PPIG: variants seen among roughly 807,000 people sequenced by gnomAD.
PPIG encodes peptidylprolyl isomerase G, also known as peptidyl-prolyl cis-trans isomerase G.
In PPIG, 26 loss-of-function variants were observed where a neutral mutation model predicts 87.9. That is an observed-to-expected ratio of 0.30 (90% CI 0.22 to 0.41). PPIG has a LOEUF of 0.41. Among genes scored for constraint, PPIG ranks in the 10% least tolerant of loss-of-function variants. The pLI, the probability that PPIG is intolerant of heterozygous loss-of-function variation, is 1.00. For synonymous variants in PPIG, 308 were observed against 276.5 expected (o/e 1.11, Z -1.13); for missense variants, 722 against 879.4 (o/e 0.82, Z 2.26).
chr2:169,608,960 TG>T, intron 7 of PPIG, among the ~76,000 whole-genome samples: 1 of 151,544 alleles, frequency 6.6e-6, no homozygotes, highest in African/African-American at 2.4e-5. Context: ...GTCGGACGCC[TG>T]TAGTCCCAGC....
intron 1 of PPIG, among the ~76,000 whole-genome samples, chr2:169,594,221 T>G (rs1170045075): frequency 1.3e-5 from 2 of 151,922 alleles, no homozygotes; most frequent in African/African-American, 2.4e-5. Flanking sequence ...ATTCTTAAAT[T>G]TCAAAGGAGT....
intron 1 of PPIG, among the ~76,000 whole-genome samples, chr2:169,594,840 C>T (rs1684977201): frequency 6.6e-6 from 1 of 151,964 alleles, no homozygotes; most frequent in Non-Finnish European, 1.5e-5. Context: ...GTTGGGCTGG[C>T]TAGTCTTGAA....
rs1686291547 is a variant in PPIG at position 169,640,623 on chromosome 2, A to G, written c.*3100A>G. The G allele has an allele frequency of 6.6e-6, 1 of 152,142 alleles. No homozygotes were observed. The highest frequency in any genetic ancestry group is 1.5e-5 in the Non-Finnish European group (1 of 68,028). 9.4% of individuals were successfully genotyped at this position (152,142 alleles called of 1,614,324 possible). On this transcript the variant is annotated 3_prime_UTR_variant, in exon 14 of 14. Coordinates refer to ENST00000260970, the MANE Select transcript of PPIG (RefSeq NM_004792.3). ...ATGGGTGTTCTTCTGTTTCCTTTTG[A>G]TTATGTTTACTGTAATTATTTCATT... is the stretch of plus-strand genomic sequence containing the variant.
At chr2:169,590,141 A>AAG (rs397952872) in intron 1 of PPIG, among the ~76,000 whole-genome samples, 1 of 133,304 alleles carries the variant, frequency 7.5e-6, no homozygotes, top group Admixed American at 8.1e-5. Flanking sequence ...AAAAAAAAAA[A>AAG]GAAAAGAAAA....
intron 9 of PPIG, among the ~76,000 whole-genome samples, chr2:169,620,494 T>G (rs985769716): frequency 1.3e-5 from 2 of 152,074 alleles, no homozygotes; most frequent in African/African-American, 4.8e-5. Flanking sequence ...TGTTGTTGTT[T>G]TTTGTTTGTT....
Position 169,637,082 on chromosome 2 carries a change from G to A in PPIG, c.1824G>A (p.Glu608=), listed in dbSNP as rs1558904305. 6.2e-7 allele frequency: 1 copy of A among 1,613,392 alleles called. No homozygotes were observed. Among genetic ancestry groups the A allele is most frequent in the Non-Finnish European group, 8.5e-7 (1 of 1,179,738 alleles). The part of the protein sequence containing the change: ...YRRRGRSRSR[E]RRTPPGRSRS... ...GAAGAGGACGGTCACGAAGCCGAGAGAGAAGAACACCACCAGGAAGATCAA... is the reference window on the plus strand; with the variant it reads ...GAAGAGGACGGTCACGAAGCCGAGAAAGAAGAACACCACCAGGAAGATCAA... Residue 608 remains glutamate (E), a synonymous_variant, in exon 14 of 14, where the codon GAG becomes GAA. Transcript: ENST00000260970.
chr2:169,636,845 G>A lies in PPIG; in HGVS notation c.1587G>A (p.Glu529=). 1 of 1,613,732 alleles carries A rather than the reference G, an allele frequency of 6.2e-7. No individual in the cohort carries two copies. Among genetic ancestry groups the A allele is most frequent in the South Asian group, 1.1e-5 (1 of 91,060 alleles). Residue 529 remains glutamate, a synonymous_variant, in exon 14 of 14, where the codon GAG becomes GAA. Coordinates refer to ENST00000260970, the MANE Select transcript of PPIG (RefSeq NM_004792.3). ...AACAGTTAGAATCAAAGAGTAATGA[G>A]CATGATCACAGTAAAAGTAAGGAAA... ...KSKQLESKSN[E]HDHSKSKEKD... is the part of the protein sequence containing the mutation.
At chr2:169,602,645 G>A (rs572749615) in intron 1 of PPIG, among the ~76,000 whole-genome samples, 4 of 152,292 alleles carry the variant, frequency 2.6e-5, no homozygotes, top group Admixed American at 2.6e-4. Context: ...TCAAAATGTG[G>A]CTACTGAAAA....
rs1478826906 is a variant in PPIG, at chr2:169,637,769, G to A, written c.*246G>A. The A allele has an allele frequency of 6.1e-6, 2 of 325,462 alleles. No homozygotes were observed. The highest frequency in any genetic ancestry group is 8.8e-4 in the Middle Eastern group (1 of 1,140). 20.2% of individuals were successfully genotyped at this position (325,462 alleles called of 1,614,324 possible). ...ACTTTGGTGTAGTACTGTGTGCTGTGTTTAACTATTTTATGTATGCATTAC... is the reference window on the plus strand; with the variant it reads ...ACTTTGGTGTAGTACTGTGTGCTGTATTTAACTATTTTATGTATGCATTAC... On this transcript the variant is annotated 3_prime_UTR_variant, in exon 14 of 14. Coordinates refer to ENST00000260970, the MANE Select transcript of PPIG (RefSeq NM_004792.3).
At chr2:169,633,362 A>G (rs975273189) in intron 12 of PPIG, 115 bp downstream of exon 12, 2 of 781,984 alleles carry the variant, frequency 2.6e-6, no homozygotes, top group African/African-American at 1.8e-5. Context: ...TTTAGGGGAG[A>G]TGCAGGCATT....
rs891213334 is a variant in PPIG, at chr2:169,641,123, C to A, written c.*3600C>A. ...ATTGGGTATTTGTATGTGGGATGTA[C>A]AAAATTGTGGCCGCTCTCTTTGTGG... is the stretch of plus-strand genomic sequence containing the variant. On this transcript the variant is annotated 3_prime_UTR_variant, in exon 14 of 14. Coordinates refer to ENST00000260970, the MANE Select transcript of PPIG (RefSeq NM_004792.3). The A allele has an allele frequency of 2.8e-5, 4 of 144,900 alleles. No homozygotes were observed. The highest frequency in any genetic ancestry group is 4.6e-5 in the Non-Finnish European group (3 of 64,640). The allele number at this position is 144,900 out of a possible 1,614,324, so 9.0% of individuals were successfully genotyped here.
Position 169,637,613 on chromosome 2 carries a change from A to T in PPIG, c.*90A>T, listed in dbSNP as rs1221335027. ...TCTCCTTTATGTTGTTTTCCTTTTCATTGTTTTTGGATTGTTTTATGTTTG... is the reference window on the plus strand; with the variant it reads ...TCTCCTTTATGTTGTTTTCCTTTTCTTTGTTTTTGGATTGTTTTATGTTTG... On this transcript the variant is annotated 3_prime_UTR_variant, in exon 14 of 14. Coordinates refer to ENST00000260970, the MANE Select transcript of PPIG (RefSeq NM_004792.3). 2.3e-6 allele frequency: 3 copies of T among 1,296,420 alleles called. No homozygotes were observed. Among genetic ancestry groups the T allele is most frequent in the African/African-American group, 3.0e-5 (2 of 66,192 alleles). The allele number at this position is 1,296,420 out of a possible 1,614,324, so 80.3% of individuals were successfully genotyped here. A position where few individuals can be genotyped will look rare whatever the true frequency, so the allele number is the denominator to read the frequency against.
intron 1 of PPIG, among the ~76,000 whole-genome samples, chr2:169,593,946 C>T (rs1043474644): frequency 6.6e-6 from 1 of 151,736 alleles, no homozygotes; most frequent in African/African-American, 2.4e-5. Flanking sequence ...TGAGCCACCA[C>T]GCCCGGCCCA....
intron 9 of PPIG, among the ~76,000 whole-genome samples, chr2:169,623,070 G>A (rs1685799461): frequency 6.6e-6 from 1 of 151,998 alleles, no homozygotes; most frequent in Admixed American, 6.6e-5. Flanking sequence ...TTTGAGATTG[G>A]AGATCCTTCT....
At position 169,631,003 on chromosome 2, in the gene PPIG, T is replaced by G; in HGVS notation, c.761+16T>G. 1 of 1,551,488 alleles carries G rather than the reference T, an allele frequency of 6.4e-7. No individual in the cohort carries two copies. The highest frequency in any genetic ancestry group is 8.7e-7 in the Non-Finnish European group (1 of 1,149,334). ...GCAAGAAGAGGTCTTAATTTTACTT[T>G]TCTAATGCTAGCTTTATATTCTGAT... On this transcript the variant is annotated intron_variant, in intron 10 of 13. Transcript: ENST00000260970.
chr2:169,591,039 C>G (rs1684850149), intron 1 of PPIG, among the ~76,000 whole-genome samples: 1 of 152,102 alleles, frequency 6.6e-6, no homozygotes, highest in African/African-American at 2.4e-5. Context: ...TGTATTTTTT[C>G]TAGATTAGAA....
rs185270445 is a variant in PPIG at position 169,634,290 on chromosome 2, G to T, written c.1017+1043G>T. ...TTGCCCAGACTGGTCTTGAACTCCT[G>T]AGCTCAAGCGATCTGCCTGCCTCAG... On this transcript the variant is annotated intron_variant, in intron 12 of 13. Transcript: ENST00000260970. Among the ~76,000 whole-genome samples, 6 of 151,896 alleles carry T rather than the reference G, an allele frequency of 4.0e-5. No homozygotes were observed. In the South Asian group the frequency reaches 6.2e-4, roughly 16 times the overall value.
chr2:169,609,100 A>G (rs74909722), intron 7 of PPIG, among the ~76,000 whole-genome samples: 13 of 145,568 alleles, frequency 8.9e-5, no homozygotes, highest in Admixed American at 4.2e-4. Flanking sequence ...AAAAAAAAAA[A>G]TCCCGTTTTT....
intron 7 of PPIG, among the ~76,000 whole-genome samples, chr2:169,613,562 C>G (rs1044317120): frequency 6.6e-6 from 1 of 152,052 alleles, no homozygotes; most frequent in African/African-American, 2.4e-5. Context: ...AAAATAATTT[C>G]GTTTGCCAAA....
Sources: gnomAD v4.1 joint callset for allele counts (sites outside exome capture counted in the v4.1 genomes callset) on GRCh38, gnomAD v4.1.1 for gene constraint, MANE v1.5 for transcripts, NCBI Gene and HGNC (gene_info 2026-07-23, HGNC 2026-07-21) for gene names.